Variants in MEAK7 observed in about 807,000 individuals in gnomAD.
MEAK7 encodes the protein MTOR-associated protein MEAK7.
Under a neutral mutation model 40.5 loss-of-function variants are expected in MEAK7, and 68 were observed. The ratio of observed to expected loss-of-function variants is 1.68; its 90% CI spans 1.38 to 2.06. The LOEUF (loss-of-function observed/expected upper bound fraction) is 2.06. Among genes scored for constraint, MEAK7 ranks in the 30% most tolerant of loss-of-function variants. MEAK7 has a pLI of 0.00. For missense variants in MEAK7, 918 were observed against 580.5 expected (o/e 1.58, Z -5.98); for synonymous variants, 338 against 231.9 (o/e 1.46, Z -4.16).
Position 84,479,847 on chromosome 16 carries a change from G to A in MEAK7, c.*66C>T. The A allele has an allele frequency of 3.2e-6, 4 of 1,236,596 alleles. No individual in the cohort carries two copies. The highest frequency in any genetic ancestry group is 4.5e-6 in the Non-Finnish European group (4 of 886,372). The allele number at this position is 1,236,596 out of a possible 1,614,324, so 76.6% of individuals were successfully genotyped here. A position where few individuals can be genotyped will look rare whatever the true frequency, so the allele number is the denominator to read the frequency against. ...TTAAACCATGTGGGAGGGAAGAGGG[G>A]CTGCAGGCGTTGCCCTCTACCCAGA... On this transcript the variant is annotated 3_prime_UTR_variant, in exon 8 of 8. Coordinates refer to ENST00000343629, the MANE Select transcript of MEAK7 (RefSeq NM_020947.4).
At chr16:84,485,087 C>G (rs942401921) in intron 5 of MEAK7, among the ~76,000 whole-genome samples, 6 of 152,120 alleles carry the variant, frequency 3.9e-5, no homozygotes, top group African/African-American at 1.4e-4. Context: ...GTAATTTCCC[C>G]GGAGCCCGAG....
rs1597959536 is a variant in MEAK7 at position 84,495,460 on chromosome 16, C to T, written c.384+223G>A. On this transcript the variant is annotated intron_variant, in intron 3 of 7. Transcript: ENST00000343629. ...CCTCCTTCCCCTGCAGTCTGCTTTT[C>T]CGCTTTAAGTCCTGAAGCCCTCAAA... 7 of 564,500 alleles carry T rather than the reference C, an allele frequency of 1.2e-5. No individual in the cohort carries two copies. The East Asian group carries it at 1.8e-4, about 15-fold the overall frequency. The allele number at this position is 564,500 out of a possible 1,614,324, so 35.0% of individuals were successfully genotyped here.
At chr16:84,485,420 T>C (rs1387755457) in intron 5 of MEAK7, among the ~76,000 whole-genome samples, 1 of 152,204 alleles carries the variant, frequency 6.6e-6, no homozygotes, top group Non-Finnish European at 1.5e-5. Flanking sequence ...TAGCCTCTGC[T>C]GAAAGCTCTC....
chr16:84,487,202 T>G (rs1913166369), intron 4 of MEAK7, 143 bp from the exon 5 acceptor site: 2 of 714,808 alleles, frequency 2.8e-6, no homozygotes, highest in East Asian at 5.5e-5. Flanking sequence ...AATTGAGAGG[T>G]GCCGTCAGTG....
chr16:84,490,443 C>CTTTT lies in MEAK7; in HGVS notation c.385-1025_385-1022dup, dbSNP rs770073812. Among the ~76,000 whole-genome samples, 21 of 93,872 alleles carry CTTTT rather than the reference C, an allele frequency of 2.2e-4. 1 individual carries two copies. The highest frequency in any genetic ancestry group is 6.4e-4 in the African/African-American group (12 of 18,668). The allele number at this position is 93,872 out of a possible 152,430, so 61.6% of individuals were successfully genotyped here. On this transcript the variant is annotated intron_variant, in intron 3 of 7. Transcript: ENST00000343629. Reference sequence around the variant, plus strand: ...CTGGGCGGCTAAGTTTCTGCCCCGCCTTTTTTTTTTTTTTTTTTTTTTTTT... The same window carrying CTTTT: ...CTGGGCGGCTAAGTTTCTGCCCCGCCTTTTTTTTTTTTTTTTTTTTTTTTTTTTT...
rs140616555 is a variant in MEAK7, at chr16:84,502,287, G to A, written c.-26+2314C>T. Among the ~76,000 whole-genome samples the A allele has an allele frequency of 1.2e-3, 184 of 152,238 alleles. 1 individual carries two copies. Among genetic ancestry groups the A allele is most frequent in the Non-Finnish European group, 2.2e-3 (148 of 68,010 alleles). On this transcript the variant is annotated intron_variant, in intron 1 of 7. Transcript: ENST00000343629. ...GGAAAAGTGTGTGGTTGCCACAACT[G>A]GGGGAGGGGAGTGCCGTTGGCATCT... is the stretch of plus-strand genomic sequence containing the variant.
Position 84,489,295 on chromosome 16 carries a change from G to C in MEAK7, c.512C>G (p.Ser171Cys), listed in dbSNP as rs746465348. The change falls in exon 4 of 8, where the codon TCT becomes TGT. Residue 171 changes from serine (S) to cysteine (C), a missense_variant. Coordinates refer to ENST00000343629, the MANE Select transcript of MEAK7 (RefSeq NM_020947.4). ...ACACTTGCCTTGCAGCTTCATGTCAGAGAGCAGCTGAGCAGCCAGCACCTG... is the reference window on the plus strand; with the variant it reads ...ACACTTGCCTTGCAGCTTCATGTCACAGAGCAGCTGAGCAGCCAGCACCTG... ...RVQVLAAQLL[S>C]DMKLQDGKRL... is the part of the protein sequence containing the mutation. The C allele has an allele frequency of 6.2e-6, 10 of 1,614,026 alleles. No homozygotes were observed. Among genetic ancestry groups the C allele is most frequent in the South Asian group, 1.1e-5 (1 of 91,074 alleles).
At position 84,478,192 on chromosome 16, in the gene MEAK7, C is replaced by T. The variant is rs1183775021; in HGVS notation, c.*1721G>A. 6.6e-6 allele frequency: 1 copy of T among 152,122 alleles called. No individual in the cohort carries two copies. Among genetic ancestry groups the T allele is most frequent in the African/African-American group, 2.4e-5 (1 of 41,418 alleles). 9.4% of individuals were successfully genotyped at this position (152,122 alleles called of 1,614,324 possible). ...AGAGATGCTTGAGGATCCTAATATTCTACTTCTGCCAACATGTCAGGTAGG... is the reference window on the plus strand; with the variant it reads ...AGAGATGCTTGAGGATCCTAATATTTTACTTCTGCCAACATGTCAGGTAGG... On this transcript the variant is annotated 3_prime_UTR_variant, in exon 8 of 8. Transcript: ENST00000343629.
chr16:84,490,938 C>T (rs945103139), intron 3 of MEAK7, among the ~76,000 whole-genome samples: 4 of 151,166 alleles, frequency 2.6e-5, no homozygotes, highest in African/African-American at 7.3e-5. Flanking sequence ...TTTACAGAAC[C>T]CCAAAGTTAT....
At chr16:84,494,239 A>T (rs1297357175) in intron 3 of MEAK7, among the ~76,000 whole-genome samples, 1 of 152,146 alleles carries the variant, frequency 6.6e-6, no homozygotes, top group African/African-American at 2.4e-5. Context: ...TCCTACTATG[A>T]TTTTGTCTTT....
chr16:84,490,654 ATG>A (rs35489449), intron 3 of MEAK7, among the ~76,000 whole-genome samples: 1,997 of 137,528 alleles, frequency 0.015, 47 homozygotes, highest in African/African-American at 0.047. Flanking sequence ...GCTAATCAAG[ATG>A]TGTGTGTGTG....
At chr16:84,482,527 C>T (rs904461948) in intron 6 of MEAK7, 65 bp downstream of exon 6, 11 of 1,611,748 alleles carry the variant, frequency 6.8e-6, no homozygotes, top group Middle Eastern at 1.7e-4. Context: ...AGCTGAGCCT[C>T]GGGGTTGACA....
intron 2 of MEAK7, 64 bp from the exon 3 acceptor site, chr16:84,495,977 T>G: frequency 1.3e-6 from 2 of 1,563,376 alleles, no homozygotes; most frequent in Non-Finnish European, 1.8e-6. Context: ...TTACTAGGAG[T>G]TATTATTTTA....
intron 1 of MEAK7, chr16:84,499,785 C>G (rs375488520): frequency 6.6e-6 from 1 of 152,194 alleles, no homozygotes; most frequent in African/African-American, 2.4e-5. Flanking sequence ...ACCTGTCATC[C>G]GAGCACTTTG....
chr16:84,501,850 A>C (rs1438770212), intron 1 of MEAK7, among the ~76,000 whole-genome samples: 1 of 152,216 alleles, frequency 6.6e-6, no homozygotes, highest in Admixed American at 6.5e-5. Context: ...GTGCCAGGCA[A>C]GATAAAGAAA....
At chr16:84,485,662 C>CTA (rs1446617313) in intron 5 of MEAK7, among the ~76,000 whole-genome samples, 8 of 150,512 alleles carry the variant, frequency 5.3e-5, no homozygotes, top group Non-Finnish European at 8.9e-5. Flanking sequence ...ATCCATCCAT[C>CTA]CATCTATCTA....
Position 84,477,081 on chromosome 16 carries a change from G to C in MEAK7, c.*2832C>G, listed in dbSNP as rs540342951. 6.6e-6 allele frequency: 1 copy of C among 152,106 alleles called. No homozygotes were observed. Among genetic ancestry groups the C allele is most frequent in the East Asian group, 1.9e-4 (1 of 5,178 alleles). 9.4% of individuals were successfully genotyped at this position (152,106 alleles called of 1,614,324 possible). On this transcript the variant is annotated 3_prime_UTR_variant, in exon 8 of 8. Coordinates refer to ENST00000343629, the MANE Select transcript of MEAK7 (RefSeq NM_020947.4). ...TAATTTTCGTATTTTTTTTTGTAGA[G>C]ATGGGTTTTCGCCATGTTGCCCAGG...
In MEAK7 at chr16:84,480,105, T is replaced by C. The variant is rs1405146449; in HGVS notation, c.1258-79A>G. 5.1e-6 allele frequency: 6 copies of C among 1,185,064 alleles called. No individual in the cohort carries two copies. In the Admixed American group the frequency reaches 1.2e-4, roughly 25 times the overall value. 73.4% of individuals were successfully genotyped at this position (1,185,064 alleles called of 1,614,324 possible). ...GCAGCTTCCTGCTAGTTTTCCAGCC[T>C]TCTTGGGTGGAATCAGGCTCCGGTT... is the stretch of plus-strand genomic sequence containing the variant. On this transcript the variant is annotated intron_variant, in intron 7 of 7. Transcript: ENST00000343629.
At chr16:84,495,598 T>C in intron 3 of MEAK7, 85 bp downstream of exon 3, 2 of 1,308,312 alleles carry the variant, frequency 1.5e-6, no homozygotes, top group Non-Finnish European at 1.1e-6. Flanking sequence ...TACTCCTCCA[T>C]GTGCCATGTA....
Sources: gnomAD v4.1 joint callset for allele counts (sites outside exome capture counted in the v4.1 genomes callset) on GRCh38, gnomAD v4.1.1 for gene constraint, MANE v1.5 for transcripts, NCBI Gene and HGNC (gene_info 2026-07-23, HGNC 2026-07-21) for gene names.